INTS2: variants seen among roughly 807,000 people sequenced by gnomAD.
INTS2 encodes KIAA1287.
INTS2 carries 57 observed loss-of-function variants against 139.6 expected under a neutral mutation model. The ratio of observed to expected loss-of-function variants is 0.41; its 90% confidence interval spans 0.33 to 0.51. The LOEUF (loss-of-function observed/expected upper bound fraction) is 0.51. Among genes scored for constraint, INTS2 ranks in the 20% least tolerant of loss-of-function variants. The pLI is 0.28. For synonymous variants in INTS2, 473 were observed against 493.4 expected (o/e 0.96, Z 0.55); for missense variants, 1,196 against 1,436.7 (o/e 0.83, Z 2.71).
At position 61,897,243 on chromosome 17, in the gene INTS2, G is replaced by A. The variant is rs948152671; in HGVS notation, c.1494+226C>T. On this transcript the variant is annotated intron_variant, in intron 11 of 24. Coordinates refer to ENST00000251334, the MANE Select transcript of INTS2 (RefSeq NM_001351695.2). This position sits in a 1 kb window ranked among gnomAD's most constrained non-coding sequence, Gnocchi z 4.4. ...GTATACTAGGTATCTCTGAATCATG[G>A]AATTATAAGATATCTTTCCCTTTTC... Among the ~76,000 whole-genome samples the A allele has an allele frequency of 6.6e-6, 1 of 152,016 alleles. No individual in the cohort carries two copies. Among genetic ancestry groups the A allele is most frequent in the African/African-American group, 2.4e-5 (1 of 41,374 alleles).
Position 61,866,286 on chromosome 17 carries a change from G to A in INTS2, c.*1271C>T, listed in dbSNP as rs1011447072. 1 of 151,644 alleles carries A rather than the reference G, an allele frequency of 6.6e-6. No homozygotes were observed. The highest frequency in any genetic ancestry group is 1.5e-5 in the Non-Finnish European group (1 of 68,002). The allele number at this position is 151,644 out of a possible 1,614,324, so 9.4% of individuals were successfully genotyped here. ...GCACGAGAATCCCTTGAACCCAGGT[G>A]GCAGAAGTTGCAGTGAGCCAAGATC... On this transcript the variant is annotated 3_prime_UTR_variant, in exon 25 of 25. Transcript: ENST00000251334.
intron 17 of INTS2, among the ~76,000 whole-genome samples, chr17:61,879,071 C>CTTTTTTT (rs943506280): frequency 5.8e-5 from 2 of 34,432 alleles, no homozygotes; most frequent in Non-Finnish European, 9.7e-5. Flanking sequence ...CCAGGCTGGT[C>CTTTTTTT]TTTTTTTTTT....
Position 61,904,436 on chromosome 17 carries a change from G to T in INTS2, c.1307+24C>A, listed in dbSNP as rs750871698. ...AAATAAAAGTAAACCTTGAGAAAATGGAGCAACTTATATAGTTAGGTACCT... is the reference window on the plus strand; with the variant it reads ...AAATAAAAGTAAACCTTGAGAAAATTGAGCAACTTATATAGTTAGGTACCT... On this transcript the variant is annotated intron_variant, in intron 9 of 24. Transcript: ENST00000251334. 3.9e-6 allele frequency: 6 copies of T among 1,521,304 alleles called. No homozygotes were observed. The Admixed American group carries it at 1.0e-4, about 26-fold the overall frequency. 94.2% of individuals were successfully genotyped at this position (1,521,304 alleles called of 1,614,324 possible). A position where few individuals can be genotyped will look rare whatever the true frequency, so the allele number is the denominator to read the frequency against.
intron 5 of INTS2, among the ~76,000 whole-genome samples, chr17:61,914,946 G>A (rs2079564663): frequency 6.6e-6 from 1 of 151,546 alleles, no homozygotes; most frequent in South Asian, 2.1e-4. Context: ...GCTCATGTCT[G>A]TAATCCCAGC....
chr17:61,913,555 A>G (rs899198047), intron 5 of INTS2, among the ~76,000 whole-genome samples: 9 of 152,058 alleles, frequency 5.9e-5, no homozygotes, highest in African/African-American at 2.2e-4. Flanking sequence ...GCTTCAAACA[A>G]TCCTCCCGTT....
chr17:61,890,342 G>A (rs2079277285), intron 14 of INTS2, among the ~76,000 whole-genome samples: 1 of 152,140 alleles, frequency 6.6e-6, no homozygotes, highest in African/African-American at 2.4e-5. Context: ...CAGGAGCAGT[G>A]GCTCATACCT....
In INTS2 at chr17:61,882,532, C is replaced by T. The variant is rs2079186827; in HGVS notation, c.2090-1361G>A. 6.6e-6 allele frequency among the ~76,000 whole-genome samples: 1 copy of T among 152,092 alleles called. No individual in the cohort carries two copies. The highest frequency in any genetic ancestry group is 2.4e-5 in the African/African-American group (1 of 41,404). On this transcript the variant is annotated intron_variant, in intron 16 of 24. Transcript: ENST00000251334. The surrounding 1 kb of genome is among the most constrained non-coding windows in gnomAD (Gnocchi z 4.7). ...TCACTTGAGGCCAGGAGTTGGAGAC[C>T]AGCCTGGCCAACATGGGGAAATCCT... is the stretch of plus-strand genomic sequence containing the variant.
chr17:61,925,689 A>G (rs1276660756), intron 2 of INTS2, among the ~76,000 whole-genome samples: 1 of 152,144 alleles, frequency 6.6e-6, no homozygotes, highest in Non-Finnish European at 1.5e-5. Flanking sequence ...AGGGAAGGAC[A>G]TAGCACCTGC....
chr17:61,890,557 C>A (rs1357494851), intron 14 of INTS2, among the ~76,000 whole-genome samples: 1 of 149,382 alleles, frequency 6.7e-6, no homozygotes, highest in African/African-American at 2.5e-5. Context: ...TTGCAGTAAG[C>A]TGAGATCGTG....
rs2079100706 is a variant in INTS2, at chr17:61,872,941, A to G, written c.2583-481T>C. Among the ~76,000 whole-genome samples the G allele has an allele frequency of 6.6e-6, 1 of 152,228 alleles. No individual in the cohort carries two copies. Among genetic ancestry groups the G allele is most frequent in the African/African-American group, 2.4e-5 (1 of 41,470 alleles). The stretch of plus-strand genomic sequence containing the variant: ...TTCACCTATCAAATTGGAAAACATT[A>G]TATCAAATAGTGCAGGAAAGTATAT... On this transcript the variant is annotated intron_variant, in intron 19 of 24. Coordinates refer to ENST00000251334, the MANE Select transcript of INTS2 (RefSeq NM_001351695.2). The surrounding 1 kb of genome is among the most constrained non-coding windows in gnomAD (Gnocchi z 4.8).
chr17:61,899,456 T>C (rs1236943416), intron 9 of INTS2, among the ~76,000 whole-genome samples: 2 of 152,096 alleles, frequency 1.3e-5, no homozygotes, highest in Non-Finnish European at 2.9e-5. Flanking sequence ...TTCACCATGT[T>C]GGCCAGGCTG....
Position 61,869,788 on chromosome 17 carries a change from C to G in INTS2, c.2979G>C (p.Leu993Phe). 6.2e-7 allele frequency: 1 copy of G among 1,613,766 alleles called. No individual in the cohort carries two copies. Among genetic ancestry groups the G allele is most frequent in the Non-Finnish European group, 8.5e-7 (1 of 1,179,734 alleles). Residue 993 changes from leucine (L) to phenylalanine (F), a missense_variant, in exon 21 of 25, where the codon TTG becomes TTC. Transcript: ENST00000251334. This position sits in a 1 kb window ranked among gnomAD's most constrained non-coding sequence, Gnocchi z 5.4. ...TGGGATCTGCAATGTACATTTGGTG[C>G]AAGAGACAACAGATAAGGCACTGAA... ...REVQCLICCLLHQMYIADPNI... is the reference protein window; with the variant it reads ...REVQCLICCLFHQMYIADPNI...
chr17:61,888,743 G>A (rs558616726), intron 15 of INTS2, among the ~76,000 whole-genome samples: 6 of 152,046 alleles, frequency 3.9e-5, no homozygotes, highest in East Asian at 1.9e-4. Context: ...GAAACTCTTC[G>A]GCCAGGCGCA....
At position 61,924,962 on chromosome 17, in the gene INTS2, T is replaced by C; in HGVS notation, c.431A>G (p.Lys144Arg). ...GAGCTGTGGTTAAAAGAAATGCACC[T>C]TGTTCATAATTGCCAACAGTTCACT... is the stretch of plus-strand genomic sequence containing the variant. ...VLSELLAIMN[K>R]VSESNGEFFF... is the part of the protein sequence containing the mutation. Residue 144 changes from lysine to arginine, a missense_variant and splice_region_variant, in exon 3 of 25, where the codon AAG becomes AGG. Lys to Arg is a conservative substitution (Grantham distance 26, BLOSUM62 2). Around this residue, in one of 3 missense-constraint regions of INTS2, gnomAD observed 1,129 missense variants for 1,341.9 expected, o/e 0.84. Coordinates refer to ENST00000251334, the MANE Select transcript of INTS2 (RefSeq NM_001351695.2). 4.3e-6 allele frequency: 7 copies of C among 1,611,532 alleles called. No homozygotes were observed. Among genetic ancestry groups the C allele is most frequent in the Non-Finnish European group, 5.9e-6 (7 of 1,178,754 alleles).
At chr17:61,914,247 T>C (rs1037657465) in intron 5 of INTS2, among the ~76,000 whole-genome samples, 68 of 152,182 alleles carry the variant, frequency 4.5e-4, no homozygotes, top group African/African-American at 1.6e-3. Flanking sequence ...CAAAGTAGAC[T>C]TGAAAAGAAG....
chr17:61,909,632 C>T lies in INTS2; in HGVS notation c.954+1888G>A, dbSNP rs12601229. 0.066 allele frequency among the ~76,000 whole-genome samples: 10,033 copies of T among 152,120 alleles called. 584 individuals are homozygous for T. The highest frequency in any genetic ancestry group is 0.3 in the South Asian group (1,448 of 4,820). On this transcript the variant is annotated intron_variant, in intron 7 of 24. Transcript: ENST00000251334. This position sits in a 1 kb window ranked among gnomAD's most constrained non-coding sequence, Gnocchi z 4.9. Reference sequence around the variant, plus strand: ...TATGTCCATGTGTACACATGATTAGCACCCACTCATAATTGAGAATATGCA... The same window carrying T: ...TATGTCCATGTGTACACATGATTAGTACCCACTCATAATTGAGAATATGCA...
intron 15 of INTS2, among the ~76,000 whole-genome samples, chr17:61,887,950 G>A (rs1224548920): frequency 2.0e-5 from 3 of 152,154 alleles, no homozygotes; most frequent in Non-Finnish European, 2.9e-5. Context: ...TATTCAGGAG[G>A]CTGAAGCAGA....
chr17:61,920,935 C>T (rs539889354), intron 4 of INTS2, among the ~76,000 whole-genome samples: 12 of 152,288 alleles, frequency 7.9e-5, no homozygotes, highest in Non-Finnish European at 1.0e-4. Flanking sequence ...CAGGTATACA[C>T]CACCACACTA....
chr17:61,906,277 A>G (rs1363235932), intron 8 of INTS2, among the ~76,000 whole-genome samples: 1 of 152,190 alleles, frequency 6.6e-6, no homozygotes, highest in Non-Finnish European at 1.5e-5. Context: ...GGTAAATATA[A>G]ACATTCCAAA....
Sources: gnomAD v4.1 joint callset for allele counts (sites outside exome capture counted in the v4.1 genomes callset) on GRCh38, gnomAD v4.1.1 for gene constraint, gnomAD v4.1.1 regional missense constraint, Gnocchi (gnomAD v3.1) non-coding constraint, MANE v1.5 for transcripts, NCBI Gene and HGNC (gene_info 2026-07-23, HGNC 2026-07-21) for gene names.